The following WDPCP variants were observed in gnomAD, a reference collection of about 807,000 sequenced individuals.
WDPCP encodes the protein WD repeat containing planar cell polarity effector.
A neutral mutation model predicts 93.1 loss-of-function variants in WDPCP; 71 were observed. The observed-to-expected ratio is 0.76, with a 90% CI of 0.63 to 0.93. The LOEUF is 0.93. Ranked by LOEUF, WDPCP falls within the 40% of genes least tolerant of loss-of-function variation. The pLI is 0.00. For missense variants in WDPCP, 844 were observed against 887.4 expected (o/e 0.95, Z 0.62); for synonymous variants, 315 against 315.0 (o/e 1.00, Z 0.00).
chr2:63,437,696 T>C (rs1697230717), intron 7 of WDPCP, 142 bp from the exon 8 acceptor site: 7 of 1,027,140 alleles, frequency 6.8e-6, no homozygotes, highest in Non-Finnish European at 6.9e-6. Context: ...TAGCATTTTA[T>C]AAAAATATTA....
At chr2:63,173,521 C>T (rs963061236) in intron 15 of WDPCP, among the ~76,000 whole-genome samples, 5 of 152,274 alleles carry the variant, frequency 3.3e-5, no homozygotes, top group Admixed American at 3.3e-4. Flanking sequence ...GTTTTCAAAG[C>T]CAGTCCTACC....
chr2:63,506,194 T>C (rs1233175925), intron 1 of WDPCP, among the ~76,000 whole-genome samples: 5 of 152,104 alleles, frequency 3.3e-5, no homozygotes, highest in Non-Finnish European at 5.9e-5. Context: ...GTACATTTAA[T>C]ATAGTGTTGC....
At chr2:63,436,256 T>C (rs1697130121) in intron 8 of WDPCP, among the ~76,000 whole-genome samples, 1 of 152,140 alleles carries the variant, frequency 6.6e-6, no homozygotes, top group Non-Finnish European at 1.5e-5. Flanking sequence ...TAACCAAATA[T>C]AATAAGTAGC....
intron 2 of WDPCP, among the ~76,000 whole-genome samples, chr2:63,749,476 T>C (rs930112960): frequency 6.6e-6 from 1 of 152,106 alleles, no homozygotes; most frequent in African/African-American, 2.4e-5. Context: ...ACCATTTGAG[T>C]ACCCATACAA....
At chr2:63,319,792 A>G (rs1346568742) in intron 12 of WDPCP, among the ~76,000 whole-genome samples, 1 of 152,190 alleles carries the variant, frequency 6.6e-6, no homozygotes, top group Non-Finnish European at 1.5e-5. Flanking sequence ...TAAATCTTAA[A>G]TCAGAGAATA....
intron 2 of WDPCP, among the ~76,000 whole-genome samples, chr2:63,663,334 G>A (rs1710248766): frequency 6.6e-6 from 1 of 152,166 alleles, no homozygotes; most frequent in Non-Finnish European, 1.5e-5. Flanking sequence ...AATATCTCTG[G>A]TTCACACTTG....
At chr2:63,762,226 G>A (rs1035211881) in intron 2 of WDPCP, among the ~76,000 whole-genome samples, 2 of 152,180 alleles carry the variant, frequency 1.3e-5, no homozygotes, top group Non-Finnish European at 2.9e-5. Context: ...GAAAAGAGAA[G>A]AGTTGGTGAC....
chr2:63,300,617 A>G (rs918232695), intron 13 of WDPCP, among the ~76,000 whole-genome samples: 8 of 152,226 alleles, frequency 5.3e-5, no homozygotes, highest in East Asian at 1.9e-4. Flanking sequence ...GTTTGCAACT[A>G]TCATATCTCT....
chr2:63,565,640 C>A (rs1407402052), intron 1 of WDPCP, among the ~76,000 whole-genome samples: 1 of 152,074 alleles, frequency 6.6e-6, no homozygotes, highest in African/African-American at 2.4e-5. Flanking sequence ...GATAGATAAT[C>A]TTAAAAAGCA....
chr2:63,160,420 T>A (rs1200632838), intron 15 of WDPCP, among the ~76,000 whole-genome samples: 1 of 152,184 alleles, frequency 6.6e-6, no homozygotes, highest in African/African-American at 2.4e-5. Flanking sequence ...TTGCTAAAAT[T>A]AGTTTCTGAA....
intron 9 of WDPCP, among the ~76,000 whole-genome samples, chr2:63,428,406 C>T (rs909525774): frequency 6.6e-6 from 1 of 152,144 alleles, no homozygotes; most frequent in African/African-American, 2.4e-5. Flanking sequence ...TAGGTTTTAT[C>T]CCTGGGATGC....
At chr2:63,372,300 C>T (rs906258078) in intron 12 of WDPCP, among the ~76,000 whole-genome samples, 2 of 152,106 alleles carry the variant, frequency 1.3e-5, no homozygotes, top group Non-Finnish European at 2.9e-5. Flanking sequence ...CAAATACCTC[C>T]TACCAAGCCC....
intron 12 of WDPCP, among the ~76,000 whole-genome samples, chr2:63,344,039 T>C (rs1056389893): frequency 1.3e-5 from 2 of 152,132 alleles, no homozygotes; most frequent in Non-Finnish European, 2.9e-5. Flanking sequence ...AGGGATACGT[T>C]CTATTTTTTT....
intron 9 of WDPCP, among the ~76,000 whole-genome samples, chr2:63,405,532 AGTGTGTGTGTGTGTGTGTGT>A (rs55807956): frequency 6.4e-4 from 80 of 125,010 alleles, no homozygotes; most frequent in Admixed American, 4.8e-4. Flanking sequence ...ATTTTGGTAT[AGTGTGTGTGTGTGTGTGTGT>A]GTGTGTGTGT....
chr2:63,561,759 CAT>C (rs373027800), intron 1 of WDPCP, among the ~76,000 whole-genome samples: 38 of 152,244 alleles, frequency 2.5e-4, no homozygotes, highest in East Asian at 2.3e-3. Flanking sequence ...AGCCAACAAA[CAT>C]GTGAACAAAA....
intron 2 of WDPCP, among the ~76,000 whole-genome samples, chr2:63,776,072 CATATACATACAT>C (rs971993529): frequency 7.4e-6 from 1 of 135,190 alleles, no homozygotes; most frequent in Non-Finnish European, 1.7e-5. Flanking sequence ...TATAAATACA[CATATACATACAT>C]ACATACATAC....
At chr2:63,795,786 G>T (rs1432369643) in intron 2 of WDPCP, among the ~76,000 whole-genome samples, 1 of 152,142 alleles carries the variant, frequency 6.6e-6, no homozygotes, top group Non-Finnish European at 1.5e-5. Context: ...AGTATGTGTG[G>T]CAGGATAGTA....
intron 14 of WDPCP, among the ~76,000 whole-genome samples, chr2:63,256,874 A>G (rs1312934967): frequency 1.3e-5 from 2 of 152,146 alleles, no homozygotes; most frequent in Non-Finnish European, 2.9e-5. Flanking sequence ...AAAAAAGGCA[A>G]ATTAGTCTAT....
Position 63,588,458 on chromosome 2 carries a change from T to G in WDPCP, c.-187A>C. The stretch of plus-strand genomic sequence containing the variant: ...CGTCGCTTAGCAACCTGAGAAGCTG[T>G]CCGGTCGTCCCAACTTATCAATTCC... On this transcript the variant is annotated 5_prime_UTR_variant, in exon 1 of 18. Transcript: ENST00000272321. 1.4e-6 allele frequency: 1 copy of G among 695,720 alleles called. No homozygotes were observed. The highest frequency in any genetic ancestry group is 2.6e-6 in the Non-Finnish European group (1 of 383,048). 43.1% of individuals were successfully genotyped at this position (695,720 alleles called of 1,614,324 possible). A position where few individuals can be genotyped will look rare whatever the true frequency, so the allele number is the denominator to read the frequency against.
Sources: gnomAD v4.1 joint callset for allele counts (sites outside exome capture counted in the v4.1 genomes callset) on GRCh38, gnomAD v4.1.1 for gene constraint, MANE v1.5 for transcripts, NCBI Gene and HGNC (gene_info 2026-07-23, HGNC 2026-07-21) for gene names.